EIF4G1: variants seen among roughly 807,000 people sequenced by gnomAD.
EIF4G1 encodes the protein eukaryotic translation initiation factor 4 gamma 1, also known as EIF4-gamma.
In EIF4G1, 4 loss-of-function variants were observed where a neutral mutation model predicts 187.8. The ratio of observed to expected loss-of-function variants is 0.02; its 90% CI spans 0.01 to 0.05. The LOEUF is 0.05. Among genes scored for constraint, EIF4G1 ranks in the 10% least tolerant of loss-of-function variants. The probability of loss-of-function intolerance (pLI) is 1.00; values close to 1 mark genes in which losing one functional copy is unlikely to be tolerated. For synonymous variants in EIF4G1, 844 were observed against 781.4 expected (o/e 1.08, Z -1.34); for missense variants, 1,647 against 2,081.1 (o/e 0.79, Z 4.06).
rs1388558132 is a variant in EIF4G1 at position 184,322,003 on chromosome 3, A to C, written c.1419A>C (p.Glu473Asp). The C allele has an allele frequency of 6.2e-7, 1 of 1,612,232 alleles. No homozygotes were observed. The highest frequency in any genetic ancestry group is 1.7e-5 in the Admixed American group (1 of 60,012). ...AAGGAGAAGCAGGAGAAGCAGGAGA[A>C]GCTGAGAGTGAGAAAGGAGGAGAGG... ...EEEGEAGEAG[E>D]AESEKGGEEL... Residue 473 changes from glutamate to aspartate, a missense_variant, in exon 10 of 33, where the codon GAA becomes GAC. Glu to Asp is a conservative substitution (Grantham distance 45). Around this residue, in one of 11 missense-constraint regions of EIF4G1, gnomAD observed 522 missense variants for 485.2 expected, o/e 1.08. Coordinates refer to ENST00000346169, the MANE Select transcript of EIF4G1 (RefSeq NM_198241.3).
Position 184,334,706 on chromosome 3 carries a change from T to A in EIF4G1, c.4619-21T>A. On this transcript the variant is annotated intron_variant, in intron 32 of 32. Coordinates refer to ENST00000346169, the MANE Select transcript of EIF4G1 (RefSeq NM_198241.3). The surrounding 1 kb of genome is among the most constrained non-coding windows in gnomAD (Gnocchi z 5.8). The stretch of plus-strand genomic sequence containing the variant: ...GTGGCGGTGGCCAGTCACCTCTAAC[T>A]GCTGTCCCGCCTGCTTGCAGACCTG... The A allele has an allele frequency of 2.5e-6, 4 of 1,614,074 alleles. No homozygotes were observed. Among genetic ancestry groups the A allele is most frequent in the Non-Finnish European group, 3.4e-6 (4 of 1,179,978 alleles).
Position 184,317,933 on chromosome 3 carries a change from A to G in EIF4G1, c.424+117A>G, listed in dbSNP as rs928976538. On this transcript the variant is annotated intron_variant, in intron 6 of 32. Coordinates refer to ENST00000346169, the MANE Select transcript of EIF4G1 (RefSeq NM_198241.3). ...CTTGGCTTCTGGTCTAAAAATGATA[A>G]GGTTAATAGGTGGTAGGGATTGGTG... 295 of 767,122 alleles carry G rather than the reference A, an allele frequency of 3.8e-4. 1 individual carries two copies. Among genetic ancestry groups the G allele is most frequent in the Admixed American group, 3.4e-4 (17 of 49,740 alleles). The allele number at this position is 767,122 out of a possible 1,614,324, so 47.5% of individuals were successfully genotyped here.
At chr3:184,332,181 G>A (rs559562990) in intron 32 of EIF4G1, 95 bp downstream of exon 32, 8 of 1,564,526 alleles carry the variant, frequency 5.1e-6, no homozygotes, top group Non-Finnish European at 7.0e-6. Flanking sequence ...TCCAAGAAAG[G>A]TAGGTAGTCA....
intron 17 of EIF4G1, among the ~76,000 whole-genome samples, chr3:184,324,624 T>C (rs890072337): frequency 6.6e-6 from 1 of 152,108 alleles, no homozygotes; most frequent in Non-Finnish European, 1.5e-5. Context: ...CATACCTGGC[T>C]AATTTTTTTG....
chr3:184,317,617 G>A, intron 5 of EIF4G1, 100 bp from the exon 6 acceptor site: 1 of 1,534,616 alleles, frequency 6.5e-7, no homozygotes, highest in South Asian at 1.1e-5. Flanking sequence ...TCATTGCCCA[G>A]AGTTGGCTTG....
chr3:184,317,351 A>G lies in EIF4G1; in HGVS notation c.178A>G (p.Ser60Gly), dbSNP rs763694816. The G allele has an allele frequency of 6.2e-7, 1 of 1,613,944 alleles. No individual in the cohort carries two copies. Among genetic ancestry groups the G allele is most frequent in the Non-Finnish European group, 8.5e-7 (1 of 1,180,026 alleles). ...HFYPSRAQPP[S>G]SAASRVQSAA... ...CTACCCTAGCCGGGCCCAGCCCCCGAGCAGTGCAGCCTCCCGAGTGCAGAG... is the reference window on the plus strand; with the variant it reads ...CTACCCTAGCCGGGCCCAGCCCCCGGGCAGTGCAGCCTCCCGAGTGCAGAG... The change falls in exon 5 of 33, where the codon AGC (serine) becomes GGC (glycine). Residue 60 changes from serine (S) to glycine (G), a missense_variant. Coordinates refer to ENST00000346169, the MANE Select transcript of EIF4G1 (RefSeq NM_198241.3).
rs1046943574 is a variant in EIF4G1, at chr3:184,335,108, C to T, written c.*200C>T. On this transcript the variant is annotated 3_prime_UTR_variant, in exon 33 of 33. Transcript: ENST00000346169. ...CTCCAGGATGCCGCCAGGTGTCCCT[C>T]TCCTCCCCCTGGGGCACAGAGATAT... 3.1e-5 allele frequency: 20 copies of T among 643,700 alleles called. No individual in the cohort carries two copies. Among genetic ancestry groups the T allele is most frequent in the Middle Eastern group, 8.4e-4 (2 of 2,374 alleles). 39.9% of individuals were successfully genotyped at this position (643,700 alleles called of 1,614,324 possible).
rs1439531287 is a variant in EIF4G1, at chr3:184,325,566, G to A, written c.3048G>A (p.Glu1016=). 3 of 1,614,230 alleles carry A rather than the reference G, an allele frequency of 1.9e-6. No individual in the cohort carries two copies. Among genetic ancestry groups the A allele is most frequent in the Non-Finnish European group, 8.5e-7 (1 of 1,180,050 alleles). ...HKEAEMEEHR[E]HIKVQQLMAK... ...AGGCTGAGATGGAAGAACATCGAGA[G>A]CACATCAAAGTGCAGCAGCTCATGG... The change falls in exon 20 of 33, where the codon GAG becomes GAA. Residue 1016 remains glutamate, a synonymous_variant. Transcript: ENST00000346169. This position sits in a 1 kb window ranked among gnomAD's most constrained non-coding sequence, Gnocchi z 5.2.
Position 184,322,670 on chromosome 3 carries a change from G to A in EIF4G1, c.1735G>A (p.Asp579Asn). 1 of 1,614,220 alleles carries A rather than the reference G, an allele frequency of 6.2e-7. No individual in the cohort carries two copies. Among genetic ancestry groups the A allele is most frequent in the Non-Finnish European group, 8.5e-7 (1 of 1,180,042 alleles). The change falls in exon 12 of 33, where the codon GAC (aspartate) becomes AAC (asparagine). Residue 579 changes from aspartate to asparagine, a missense_variant. Transcript: ENST00000346169. ...AGATGAGACCTGGGACTCAAAGGAA[G>A]ACAAAATTCACAATGCTGAGAACAT... The part of the protein sequence containing the change: ...EADETWDSKE[D>N]KIHNAENIQP...
intron 21 of EIF4G1, 49 bp from the exon 22 acceptor site, chr3:184,326,478 G>T (rs977451262): frequency 6.2e-7 from 1 of 1,601,558 alleles, no homozygotes; most frequent in East Asian, 2.2e-5. Context: ...GCTGGCCAAG[G>T]GACTCAGCCG....
chr3:184,335,091 T>A lies in EIF4G1; in HGVS notation c.*183T>A. 1.4e-6 allele frequency: 1 copy of A among 706,020 alleles called. No homozygotes were observed. The highest frequency in any genetic ancestry group is 2.4e-6 in the Non-Finnish European group (1 of 421,642). 43.7% of individuals were successfully genotyped at this position (706,020 alleles called of 1,614,324 possible). A position where few individuals can be genotyped will look rare whatever the true frequency, so the allele number is the denominator to read the frequency against. ...GGGCTGCCTGGGCCCCCCTCCAGGA[T>A]GCCGCCAGGTGTCCCTCTCCTCCCC... On this transcript the variant is annotated 3_prime_UTR_variant, in exon 33 of 33. Transcript: ENST00000346169.
rs1560221433 is a variant in EIF4G1, at chr3:184,325,697, TC to T, written c.3121+60del. ...GTGAAGGGACCGGGAGGTTATACTT[TC>T]CTCTGATGACTTCCTGTTAGTGCCA... On this transcript the variant is annotated intron_variant, in intron 20 of 32. Coordinates refer to ENST00000346169, the MANE Select transcript of EIF4G1 (RefSeq NM_198241.3). The surrounding 1 kb of genome is among the most constrained non-coding windows in gnomAD (Gnocchi z 5.2). 1 of 1,613,748 alleles carries T rather than the reference TC, an allele frequency of 6.2e-7. No individual in the cohort carries two copies. Among genetic ancestry groups the T allele is most frequent in the Admixed American group, 1.7e-5 (1 of 60,016 alleles).
In EIF4G1 at chr3:184,314,609, A is replaced by T. The variant is rs1722358858; in HGVS notation, c.-157A>T. On this transcript the variant is annotated 5_prime_UTR_variant, in exon 1 of 33. Coordinates refer to ENST00000346169, the MANE Select transcript of EIF4G1 (RefSeq NM_198241.3). The stretch of plus-strand genomic sequence containing the variant: ...AGCGGGATCTGTGCGGGGAGCCGGA[A>T]ATGGTTGTGGACTACGTCTGTGCGG... The T allele has an allele frequency of 6.6e-6, 1 of 151,938 alleles. No homozygotes were observed. The highest frequency in any genetic ancestry group is 6.6e-5 in the Admixed American group (1 of 15,258). 9.4% of individuals were successfully genotyped at this position (151,938 alleles called of 1,614,324 possible). A position where few individuals can be genotyped will look rare whatever the true frequency, so the allele number is the denominator to read the frequency against.
intron 8 of EIF4G1, 98 bp from the exon 9 acceptor site, chr3:184,320,829 T>C: frequency 6.2e-7 from 1 of 1,607,286 alleles, no homozygotes; most frequent in Non-Finnish European, 8.5e-7. Flanking sequence ...TTCCCTGCTT[T>C]CCTGGATTTC....
rs1260181353 is a variant in EIF4G1, at chr3:184,328,623, C to T, written c.3954-8C>T. 16 of 1,614,018 alleles carry T rather than the reference C, an allele frequency of 9.9e-6. No homozygotes were observed. Among genetic ancestry groups the T allele is most frequent in the African/African-American group, 5.3e-5 (4 of 74,908 alleles). Reference sequence around the variant, plus strand: ...CTAGAATGTCTTGACTTTGAATTCCCTTGGCAGGTTGTATGAAATCTTGGA... The same window carrying T: ...CTAGAATGTCTTGACTTTGAATTCCTTTGGCAGGTTGTATGAAATCTTGGA... On this transcript the variant is annotated splice_polypyrimidine_tract_variant and splice_region_variant and intron_variant, in intron 26 of 32. Transcript: ENST00000346169.
chr3:184,330,208 A>G lies in EIF4G1; in HGVS notation c.4162-1058A>G, dbSNP rs3792301. Among the ~76,000 whole-genome samples the G allele has an allele frequency of 2.3e-4, 35 of 152,112 alleles. No individual in the cohort carries two copies. In the East Asian group the frequency reaches 6.6e-3, roughly 29 times the overall value. ...CCTGGCCAACATGATGAAACCCTGT[A>G]TCTACTAAAAATACAAAAAAATTAG... On this transcript the variant is annotated intron_variant, in intron 28 of 32. Transcript: ENST00000346169.
rs146433145 is a variant in EIF4G1 at position 184,325,947 on chromosome 3, C to T, written c.3218C>T (p.Thr1073Ile). ...PIDTSRLTKI[T>I]KPGSIDSNNQ... ...GACACCTCACGACTCACCAAGATCA[C>T]CAAGGTAGGGGTGTGTGTGGGAGTG... The change falls in exon 21 of 33, where the codon ACC becomes ATC. Residue 1073 changes from threonine (T) to isoleucine (I), a missense_variant. This residue lies in a region of EIF4G1 where 142 missense variants were observed against 296.6 expected (regional missense o/e 0.48). Transcript: ENST00000346169. The surrounding 1 kb of genome is among the most constrained non-coding windows in gnomAD (Gnocchi z 5.2). 1.9e-6 allele frequency: 3 copies of T among 1,614,072 alleles called. No individual in the cohort carries two copies. Among genetic ancestry groups the T allele is most frequent in the Non-Finnish European group, 2.5e-6 (3 of 1,179,988 alleles).
chr3:184,319,582 C>T (rs778830454), intron 6 of EIF4G1, 107 bp from the exon 7 acceptor site: 47 of 773,158 alleles, frequency 6.1e-5, no homozygotes, highest in Middle Eastern at 6.7e-4. Flanking sequence ...GGCAAGGGGC[C>T]GGCTGTGGGT....
intron 28 of EIF4G1, 140 bp downstream of exon 28, chr3:184,329,130 A>G: frequency 9.8e-7 from 1 of 1,025,482 alleles, no homozygotes; most frequent in Non-Finnish European, 1.5e-6. Context: ...GAGAGGAAAT[A>G]CTGAGGTGGG....
Sources: gnomAD v4.1 joint callset for allele counts (sites outside exome capture counted in the v4.1 genomes callset) on GRCh38, gnomAD v4.1.1 for gene constraint, gnomAD v4.1.1 regional missense constraint, Gnocchi (gnomAD v3.1) non-coding constraint, MANE v1.5 for transcripts, NCBI Gene and HGNC (gene_info 2026-07-23, HGNC 2026-07-21) for gene names.